ZCCHC24: variants seen among roughly 807,000 people sequenced by gnomAD.
ZCCHC24 encodes the protein zinc finger CCHC domain-containing protein 24.
Under a neutral mutation model 26.2 loss-of-function variants are expected in ZCCHC24, and 10 were observed. The observed-to-expected ratio is 0.38, with a 90% confidence interval of 0.24 to 0.65. The LOEUF (loss-of-function observed/expected upper bound fraction) is 0.65, where lower values mean the gene tolerates loss of function less well. Among genes scored for constraint, ZCCHC24 ranks in the 30% least tolerant of loss-of-function variants. ZCCHC24 has a pLI of 0.54. For missense variants in ZCCHC24, 243 were observed against 329.1 expected (o/e 0.74, Z 2.03); for synonymous variants, 144 against 147.1 (o/e 0.98, Z 0.15).
intron 2 of ZCCHC24, among the ~76,000 whole-genome samples, chr10:79,408,270 C>G (rs1408416488): frequency 6.6e-6 from 1 of 152,188 alleles, no homozygotes; most frequent in Non-Finnish European, 1.5e-5. Flanking sequence ...CGACTCCTGG[C>G]TTATGATTAT....
At chr10:79,444,273 C>T (rs914295808) in intron 1 of ZCCHC24, 3 of 1,427,720 alleles carry the variant, frequency 2.1e-6, no homozygotes, top group Non-Finnish European at 2.8e-6. Flanking sequence ...AGGAGTCCAG[C>T]CCACGGAAAG....
Position 79,445,238 on chromosome 10 carries a change from T to C in ZCCHC24, c.203A>G (p.His68Arg). ...GRPEQLGSPL[H>R]SSYLNSFFQL... ...GAAGAAGCTGTTGAGATAGCTGGAGTGCAGGGGCGAGCCCAGCTGCTCGGG... is the reference window on the plus strand; with the variant it reads ...GAAGAAGCTGTTGAGATAGCTGGAGCGCAGGGGCGAGCCCAGCTGCTCGGG... Residue 68 changes from histidine (H) to arginine (R), a missense_variant, in exon 1 of 4, where the codon CAC becomes CGC. His to Arg is a conservative substitution (Grantham distance 29). Transcript: ENST00000372336. 1 of 1,386,204 alleles carries C rather than the reference T, an allele frequency of 7.2e-7. No homozygotes were observed. Among genetic ancestry groups the C allele is most frequent in the East Asian group, 3.1e-5 (1 of 32,356 alleles). 85.9% of individuals were successfully genotyped at this position (1,386,204 alleles called of 1,614,324 possible).
intron 2 of ZCCHC24, among the ~76,000 whole-genome samples, chr10:79,402,231 C>T (rs1318096057): frequency 2.0e-5 from 3 of 152,210 alleles, no homozygotes; most frequent in African/African-American, 7.2e-5. Context: ...AGGTTGGGCC[C>T]TGGCTCTCCC....
At chr10:79,397,425 A>T (rs1311243844) in intron 2 of ZCCHC24, among the ~76,000 whole-genome samples, 1 of 152,140 alleles carries the variant, frequency 6.6e-6, no homozygotes, top group Non-Finnish European at 1.5e-5. Flanking sequence ...AGCTCTGTTG[A>T]TCTCAAGTTA....
At chr10:79,436,430 C>T (rs1424878403) in intron 1 of ZCCHC24, among the ~76,000 whole-genome samples, 4 of 152,214 alleles carry the variant, frequency 2.6e-5, no homozygotes, top group Non-Finnish European at 4.4e-5. Context: ...GCCATAGAGG[C>T]CCCGACTCCC....
Position 79,445,265 on chromosome 10 carries a change from C to A in ZCCHC24, c.176G>T (p.Arg59Leu). ...CAGGGGCGAGCCCAGCTGCTCGGGG[C>A]GGCCCTTGCCGAAGGCCAGCTCCGG... ...APPELAFGKG[R>L]PEQLGSPLHS... The change falls in exon 1 of 4, where the codon CGC becomes CTC. Residue 59 changes from arginine to leucine, a missense_variant. Arg to Leu is a moderately radical substitution (Grantham distance 102, BLOSUM62 -2). Around this residue, in one of 2 missense-constraint regions of ZCCHC24, gnomAD observed 147 missense variants for 150.8 expected, o/e 0.97. Coordinates refer to ENST00000372336, the MANE Select transcript of ZCCHC24 (RefSeq NM_153367.4). 2.1e-6 allele frequency: 3 copies of A among 1,445,904 alleles called. No homozygotes were observed. The highest frequency in any genetic ancestry group is 2.7e-6 in the Non-Finnish European group (3 of 1,095,334). The allele number at this position is 1,445,904 out of a possible 1,614,324, so 89.6% of individuals were successfully genotyped here. A position where few individuals can be genotyped will look rare whatever the true frequency, so the allele number is the denominator to read the frequency against.
At chr10:79,392,821 T>G (rs1483033532) in intron 3 of ZCCHC24, among the ~76,000 whole-genome samples, 1 of 152,276 alleles carries the variant, frequency 6.6e-6, no homozygotes, top group South Asian at 2.1e-4. Flanking sequence ...GCTTCTGTGC[T>G]TCTCAAACCT....
intron 2 of ZCCHC24, among the ~76,000 whole-genome samples, chr10:79,402,048 C>T (rs1417717812): frequency 6.6e-6 from 1 of 152,198 alleles, no homozygotes; most frequent in Non-Finnish European, 1.5e-5. Context: ...ACAGAGGGGG[C>T]GCAGGGCTGA....
chr10:79,435,382 C>T (rs938728245), intron 1 of ZCCHC24, among the ~76,000 whole-genome samples: 5 of 152,194 alleles, frequency 3.3e-5, no homozygotes, highest in African/African-American at 1.2e-4. Flanking sequence ...AGTCCCCTGC[C>T]CACGGACGGC....
chr10:79,423,302 G>T (rs559543786), intron 2 of ZCCHC24, among the ~76,000 whole-genome samples: 17 of 152,106 alleles, frequency 1.1e-4, no homozygotes, highest in African/African-American at 4.1e-4. Flanking sequence ...TGTAATCCCA[G>T]CACTTTGGGA....
At chr10:79,434,960 C>T (rs1436999117) in intron 1 of ZCCHC24, among the ~76,000 whole-genome samples, 1 of 152,098 alleles carries the variant, frequency 6.6e-6, no homozygotes, top group Non-Finnish European at 1.5e-5. Context: ...ACCAGCCCAG[C>T]CCCACCCAGC....
chr10:79,442,390 T>C (rs919832325), intron 1 of ZCCHC24, among the ~76,000 whole-genome samples: 11 of 152,210 alleles, frequency 7.2e-5, no homozygotes, highest in African/African-American at 2.7e-4. Flanking sequence ...CTCAGAACCG[T>C]TGGCTTATCT....
At chr10:79,410,756 G>C (rs1361003167) in intron 2 of ZCCHC24, among the ~76,000 whole-genome samples, 2 of 151,672 alleles carry the variant, frequency 1.3e-5, no homozygotes, top group Non-Finnish European at 2.9e-5. Context: ...GGACCAGTTA[G>C]GGGGGTGCTG....
At chr10:79,392,817 G>A (rs1201280885) in intron 3 of ZCCHC24, among the ~76,000 whole-genome samples, 2 of 152,232 alleles carry the variant, frequency 1.3e-5, no homozygotes, top group African/African-American at 2.4e-5. Flanking sequence ...CCGGGCTTCT[G>A]TGCTTCTCAA....
chr10:79,444,158 A>G (rs190109824), intron 1 of ZCCHC24: 2 of 1,543,750 alleles, frequency 1.3e-6, no homozygotes, highest in Non-Finnish European at 1.7e-6. Context: ...CCCCGAACAC[A>G]CCTCTTGCAT....
intron 2 of ZCCHC24, among the ~76,000 whole-genome samples, chr10:79,420,486 TAAC>T (rs1564637576): frequency 6.6e-6 from 1 of 151,878 alleles, no homozygotes; most frequent in African/African-American, 2.4e-5. Flanking sequence ...GGCATAATAA[TAAC>T]GACAGTAGGC....
At chr10:79,437,980 C>T (rs1454802967) in intron 1 of ZCCHC24, among the ~76,000 whole-genome samples, 1 of 152,134 alleles carries the variant, frequency 6.6e-6, no homozygotes, top group African/African-American at 2.4e-5. Flanking sequence ...GAGGCAGTGA[C>T]AGCAGGCAGG....
intron 2 of ZCCHC24, among the ~76,000 whole-genome samples, chr10:79,425,166 A>G (rs1857008716): frequency 6.6e-6 from 1 of 152,202 alleles, no homozygotes; most frequent in South Asian, 2.1e-4. Flanking sequence ...GGCTCACAGC[A>G]ACACATTGCT....
intron 2 of ZCCHC24, among the ~76,000 whole-genome samples, chr10:79,410,788 G>GT (rs999877750): frequency 9.9e-5 from 15 of 151,224 alleles, no homozygotes; most frequent in African/African-American, 3.7e-4. Context: ...GGGAGAGGTG[G>GT]TGGGGGTGTG....
Sources: gnomAD v4.1 joint callset for allele counts (sites outside exome capture counted in the v4.1 genomes callset) on GRCh38, gnomAD v4.1.1 for gene constraint, gnomAD v4.1.1 regional missense constraint, MANE v1.5 for transcripts, NCBI Gene and HGNC (gene_info 2026-07-23, HGNC 2026-07-21) for gene names.